Variants in ZNF496 observed in about 807,000 individuals in gnomAD.
ZNF496 encodes the protein NSD1 (nuclear receptor binding SET-domain containing 1)-interacting zinc finger protein 1.
In ZNF496, 11 loss-of-function variants were observed where a neutral mutation model predicts 58.9. The ratio of observed to expected loss-of-function variants is 0.19; its 90% CI spans 0.12 to 0.31. The LOEUF (loss-of-function observed/expected upper bound fraction) is 0.31, where lower values mean the gene tolerates loss of function less well. ZNF496 is among the 10% of genes least tolerant of loss of function. ZNF496 has a pLI of 1.00. For synonymous variants in ZNF496, 338 were observed against 318.2 expected, an observed-to-expected ratio of 1.06 and a Z score of -0.66; for missense variants, 660 against 783.0, an observed-to-expected ratio of 0.84 and a Z score of 1.88.
At chr1:247,314,823 G>A (rs1218598288) in intron 6 of ZNF496, among the ~76,000 whole-genome samples, 5 of 152,016 alleles carry the variant, frequency 3.3e-5, no homozygotes, top group Non-Finnish European at 5.9e-5. Context: ...CTTGGCTCAC[G>A]GCAACCGCTG....
At chr1:247,306,349 ACCACG>A (rs1445427187) in intron 9 of ZNF496, among the ~76,000 whole-genome samples, 1 of 152,052 alleles carries the variant, frequency 6.6e-6, no homozygotes, top group East Asian at 1.9e-4. Flanking sequence ...GGTGCCCACC[ACCACG>A]CCTGGTTAAT....
chr1:247,321,267 C>G (rs1369891225), intron 6 of ZNF496, among the ~76,000 whole-genome samples: 2 of 151,976 alleles, frequency 1.3e-5, no homozygotes, highest in Non-Finnish European at 2.9e-5. Flanking sequence ...AAGCCAGTCA[C>G]AAAAAGGCAA....
chr1:247,316,451 G>C (rs1188169863), intron 6 of ZNF496, among the ~76,000 whole-genome samples: 2 of 151,980 alleles, frequency 1.3e-5, no homozygotes, highest in African/African-American at 2.4e-5. Context: ...GTTGTCATGG[G>C]AGTGGAACTG....
rs1259834306 is a variant in ZNF496 at position 247,299,923 on chromosome 1, C to T, written c.*596G>A. On this transcript the variant is annotated 3_prime_UTR_variant, in exon 10 of 10. Transcript: ENST00000682384. ...AAAGGGCTGCCTGATCATCTTGGAT[C>T]TGCGGGGTGCTCCTGCCTACCTGAT... The T allele has an allele frequency of 6.6e-6, 1 of 152,274 alleles. No homozygotes were observed. The highest frequency in any genetic ancestry group is 1.5e-5 in the Non-Finnish European group (1 of 68,086). 9.4% of individuals were successfully genotyped at this position (152,274 alleles called of 1,614,324 possible).
In ZNF496 at chr1:247,309,981, G is replaced by C; in HGVS notation, c.785-175C>G. On this transcript the variant is annotated intron_variant, in intron 7 of 9. Coordinates refer to ENST00000682384, the MANE Select transcript of ZNF496 (RefSeq NM_032752.3). The surrounding 1 kb of genome is among the most constrained non-coding windows in gnomAD (Gnocchi z 4.3). ...GGGGCAGTGGGGGCAGCACACGCAGGGAGAGCTATGGGCTTGGGGGTCTCT... is the reference window on the plus strand; with the variant it reads ...GGGGCAGTGGGGGCAGCACACGCAGCGAGAGCTATGGGCTTGGGGGTCTCT... 2.2e-6 allele frequency: 3 copies of C among 1,342,268 alleles called. No individual in the cohort carries two copies. Among genetic ancestry groups the C allele is most frequent in the Non-Finnish European group, 3.0e-6 (3 of 1,012,870 alleles). The allele number at this position is 1,342,268 out of a possible 1,614,324, so 83.1% of individuals were successfully genotyped here. A position where few individuals can be genotyped will look rare whatever the true frequency, so the allele number is the denominator to read the frequency against.
At chr1:247,302,440 G>A (rs1314780083) in intron 9 of ZNF496, among the ~76,000 whole-genome samples, 1 of 151,752 alleles carries the variant, frequency 6.6e-6, no homozygotes, top group Non-Finnish European at 1.5e-5. Flanking sequence ...CGTAGTATAG[G>A]AGGGAAATCA....
rs762968735 is a variant in ZNF496 at position 247,300,511 on chromosome 1, G to A, written c.*8C>T. ...CAGCCAGGGTGAGGCCGCCCCAGGC[G>A]GAGAGGCTCAGTAGGAGTTCAGAGC... On this transcript the variant is annotated 3_prime_UTR_variant, in exon 10 of 10. Coordinates refer to ENST00000682384, the MANE Select transcript of ZNF496 (RefSeq NM_032752.3). The surrounding 1 kb of genome is among the most constrained non-coding windows in gnomAD (Gnocchi z 5.7). The A allele has an allele frequency of 1.4e-5, 23 of 1,594,608 alleles. No individual in the cohort carries two copies. The highest frequency in any genetic ancestry group is 2.2e-5 in the East Asian group (1 of 44,536).
intron 9 of ZNF496, chr1:247,307,067 C>T: frequency 2.0e-6 from 2 of 983,462 alleles, no homozygotes; most frequent in Non-Finnish European, 1.2e-6. Context: ...TCATAGAACA[C>T]AATAAACAAG....
intron 9 of ZNF496, among the ~76,000 whole-genome samples, chr1:247,302,148 C>G (rs929179327): frequency 1.3e-5 from 2 of 152,082 alleles, no homozygotes; most frequent in Non-Finnish European, 2.9e-5. Context: ...ATGTAGAACT[C>G]AAATCTAGAA....
At chr1:247,303,464 C>A (rs994079300) in intron 9 of ZNF496, among the ~76,000 whole-genome samples, 2 of 152,130 alleles carry the variant, frequency 1.3e-5, no homozygotes, top group Non-Finnish European at 2.9e-5. Flanking sequence ...AGAACTAGGT[C>A]ATGGGGAGAG....
At chr1:247,323,638 CG>C (rs1660028233) in intron 5 of ZNF496, among the ~76,000 whole-genome samples, 1 of 151,904 alleles carries the variant, frequency 6.6e-6, no homozygotes, top group African/African-American at 2.4e-5. Context: ...GGAGTTCAGC[CG>C]TGTGTGGTGG....
At position 247,300,883 on chromosome 1, in the gene ZNF496, GCAC is replaced by G. The variant is rs1030831103; in HGVS notation, c.1397_1399del (p.Gly466del). ...GTTCAGGCGGAAGCTCTTCCCGCAG[GCAC>G]CACACCGGTAAGGCTTCTGGGCCTC... On this transcript the variant is annotated inframe_deletion, in exon 10 of 10. Coordinates refer to ENST00000682384, the MANE Select transcript of ZNF496 (RefSeq NM_032752.3). This position sits in a 1 kb window ranked among gnomAD's most constrained non-coding sequence, Gnocchi z 5.7. The G allele has an allele frequency of 1.7e-5, 28 of 1,611,764 alleles. No individual in the cohort carries two copies. The highest frequency in any genetic ancestry group is 2.2e-5 in the Non-Finnish European group (26 of 1,178,658).
At chr1:247,307,808 T>TG in intron 9 of ZNF496, 1 of 985,370 alleles carries the variant, frequency 1.0e-6, no homozygotes, top group South Asian at 4.7e-5. Flanking sequence ...ATCAGAGGCT[T>TG]GGGTTTTGTA....
At position 247,297,646 on chromosome 1, in the gene ZNF496, G is replaced by A. The variant is rs1312479918; in HGVS notation, c.*2873C>T. The stretch of plus-strand genomic sequence containing the variant: ...GCCAAAAGGGAGACAAAGATCTCCT[G>A]GGTGCAGCCTCCTCCACCACTGTGG... On this transcript the variant is annotated 3_prime_UTR_variant, in exon 10 of 10. Transcript: ENST00000682384. 6.6e-6 allele frequency: 1 copy of A among 152,282 alleles called. No individual in the cohort carries two copies. Among genetic ancestry groups the A allele is most frequent in the Non-Finnish European group, 1.5e-5 (1 of 68,098 alleles). The allele number at this position is 152,282 out of a possible 1,614,324, so 9.4% of individuals were successfully genotyped here.
At chr1:247,307,546 C>A (rs1659455870) in intron 9 of ZNF496, 2 of 985,418 alleles carry the variant, frequency 2.0e-6, no homozygotes, top group Non-Finnish European at 2.4e-6. Context: ...TCTTGGCACG[C>A]AGAGGTGGGC....
intron 6 of ZNF496, among the ~76,000 whole-genome samples, chr1:247,316,613 TCTC>T (rs1659789479): frequency 1.3e-5 from 2 of 152,148 alleles, no homozygotes; most frequent in South Asian, 4.1e-4. Flanking sequence ...ACCCGAATCT[TCTC>T]AGCCTCCATA....
In ZNF496 at chr1:247,321,004, C is replaced by T. The variant is rs201122398; in HGVS notation, c.651+2150G>A. ...GAGCCTGACTAACATGGTGAAACCC[C>T]GTCTCTACTAAGAATACAAAAATTA... On this transcript the variant is annotated intron_variant, in intron 6 of 9. Transcript: ENST00000682384. 4.1e-4 allele frequency among the ~76,000 whole-genome samples: 62 copies of T among 152,260 alleles called. 1 individual carries two copies. In the East Asian group the frequency reaches 9.3e-3, roughly 23 times the overall value.
rs879335377 is a variant in ZNF496, at chr1:247,309,925, G to T, written c.785-119C>A. On this transcript the variant is annotated intron_variant, in intron 7 of 9. Transcript: ENST00000682384. The surrounding 1 kb of genome is among the most constrained non-coding windows in gnomAD (Gnocchi z 4.3). Reference sequence around the variant, plus strand: ...CAGCGGGCATGGCACCATCAGGGGCGAGAAGTGAAAAGGCCAGAGCTGGCA... The same window carrying T: ...CAGCGGGCATGGCACCATCAGGGGCTAGAAGTGAAAAGGCCAGAGCTGGCA... 2.9e-6 allele frequency: 4 copies of T among 1,371,872 alleles called. No individual in the cohort carries two copies. The African/African-American group carries it at 5.8e-5, about 20-fold the overall frequency. The allele number at this position is 1,371,872 out of a possible 1,614,324, so 85.0% of individuals were successfully genotyped here. A position where few individuals can be genotyped will look rare whatever the true frequency, so the allele number is the denominator to read the frequency against.
chr1:247,330,617 G>C (rs1208878086), intron 2 of ZNF496, among the ~76,000 whole-genome samples: 5 of 152,242 alleles, frequency 3.3e-5, no homozygotes, highest in Admixed American at 3.3e-4. Flanking sequence ...AGTATACCTG[G>C]TGTTTATGAT....
Sources: gnomAD v4.1 joint callset for allele counts (sites outside exome capture counted in the v4.1 genomes callset) on GRCh38, gnomAD v4.1.1 for gene constraint, Gnocchi (gnomAD v3.1) non-coding constraint, MANE v1.5 for transcripts, NCBI Gene and HGNC (gene_info 2026-07-23, HGNC 2026-07-21) for gene names.